The following DGKK variants were observed in gnomAD, a reference collection of about 807,000 sequenced individuals.
The protein encoded by DGKK is diacylglycerol kinase kappa, also known as 142 kDa diacylglycerol kinase.
A neutral mutation model predicts 92.2 loss-of-function variants in DGKK; 35 were observed. The ratio of observed to expected loss-of-function variants is 0.38; its 90% CI spans 0.29 to 0.50. The LOEUF (loss-of-function observed/expected upper bound fraction) is 0.50, where lower values mean the gene tolerates loss of function less well. Ranked by LOEUF, DGKK falls within the 20% of genes least tolerant of loss-of-function variation. The probability of loss-of-function intolerance (pLI) is 0.92; values close to 1 mark genes in which losing one functional copy is unlikely to be tolerated. For missense variants in DGKK, 910 were observed against 992.2 expected, an observed-to-expected ratio of 0.92 and a Z score of 1.11; for synonymous variants, 368 against 360.6, an observed-to-expected ratio of 1.02 and a Z score of -0.23.
At chrX:50,431,570 T>C (rs1925889042) in intron 1 of DGKK, among the ~76,000 whole-genome samples, 1 of 111,507 alleles carries the variant, frequency 9.0e-6, no homozygotes, top group Non-Finnish European at 1.9e-5. Context: ...AGAACTGAAT[T>C]ATTACGGGCA....
At chrX:50,389,941 T>A (rs781940017) in intron 12 of DGKK, among the ~76,000 whole-genome samples, 27 of 111,590 alleles carry the variant, frequency 2.4e-4, no homozygotes, top group Non-Finnish European at 4.5e-4. Flanking sequence ...CTGAGATAGA[T>A]CTTCCTGCTA....
chrX:50,448,105 G>A (rs781864660), intron 1 of DGKK, among the ~76,000 whole-genome samples: 4 of 111,195 alleles, frequency 3.6e-5, no homozygotes, highest in East Asian at 2.9e-4. Context: ...TCTAAACATC[G>A]AAAGAGAAAT....
intron 27 of DGKK, 136 bp from the exon 28 acceptor site, chrX:50,369,155 AATC>A: frequency 2.3e-6 from 1 of 426,909 alleles, no homozygotes; most frequent in Non-Finnish European, 3.9e-6. Context: ...ACCATCTCTG[AATC>A]ATCAGGGAAA....
chrX:50,435,676 A>G (rs1557230693), intron 1 of DGKK, among the ~76,000 whole-genome samples: 1 of 110,601 alleles, frequency 9.0e-6, no homozygotes, highest in Non-Finnish European at 1.9e-5. Context: ...TCACTAATTC[A>G]TTAGGAGTTG....
rs1202296790 is a variant in DGKK, at chrX:50,420,389, A to T, written c.942+14T>A. ...CTATTAAGAATTGTGTGGCTTCTCT[A>T]CTAGTTTTCTTACCTTATAAATTTC... is the stretch of plus-strand genomic sequence containing the variant. On this transcript the variant is annotated intron_variant, in intron 4 of 27. Transcript: ENST00000611977. 8.4e-7 allele frequency: 1 copy of T among 1,185,916 alleles called. No individual in the cohort carries two copies. The highest frequency in any genetic ancestry group is 1.1e-6 in the Non-Finnish European group (1 of 874,776).
chrX:50,425,349 CTT>C (rs79164644), intron 1 of DGKK, among the ~76,000 whole-genome samples: 240 of 109,617 alleles, frequency 2.2e-3, no homozygotes, highest in African/African-American at 7.5e-3. Context: ...TTTCCTGTTT[CTT>C]TTTTTTTAAA....
chrX:50,465,560 G>A (rs1173527221), intron 1 of DGKK, among the ~76,000 whole-genome samples: 1 of 109,585 alleles, frequency 9.1e-6, no homozygotes, highest in Non-Finnish European at 1.9e-5. Context: ...AAACACACAC[G>A]CACCAACAAA....
Position 50,368,906 on chromosome X carries a change from T to G in DGKK, c.*34A>C, listed in dbSNP as rs371977906. 8.6e-7 allele frequency: 1 copy of G among 1,159,354 alleles called. No homozygotes were observed. The highest frequency in any genetic ancestry group is 1.2e-6 in the Non-Finnish European group (1 of 854,109). ...GTTTTGAGAGTTTTTTTAGTAGAATTCTCAATGTTGTGAGTTCTTCCAGCT... is the reference window on the plus strand; with the variant it reads ...GTTTTGAGAGTTTTTTTAGTAGAATGCTCAATGTTGTGAGTTCTTCCAGCT... On this transcript the variant is annotated 3_prime_UTR_variant, in exon 28 of 28. Coordinates refer to ENST00000611977, the MANE Select transcript of DGKK (RefSeq NM_001013742.4).
intron 4 of DGKK, among the ~76,000 whole-genome samples, chrX:50,417,227 G>A (rs12011745): frequency 0.037 from 4,033 of 109,447 alleles, 184 homozygotes; most frequent in African/African-American, 0.13. Flanking sequence ...GCCAGCTGAT[G>A]TCATTCCTGC....
At chrX:50,434,162 C>T (rs1925960157) in intron 1 of DGKK, among the ~76,000 whole-genome samples, 1 of 110,463 alleles carries the variant, frequency 9.1e-6, no homozygotes, top group African/African-American at 3.3e-5. Flanking sequence ...AGAGCTGTGG[C>T]TCCTGTTGTG....
At position 50,392,330 on chromosome X, in the gene DGKK, C is replaced by T. The variant is rs200409998; in HGVS notation, c.1704+11G>A. ...CTAGCAATGGCTAAACTGAGTCATC[C>T]AGGGACTTACCTTTTCATGTAATCC... On this transcript the variant is annotated intron_variant, in intron 10 of 27. Transcript: ENST00000611977. The T allele has an allele frequency of 1.7e-6, 2 of 1,184,996 alleles. No individual in the cohort carries two copies. The highest frequency in any genetic ancestry group is 5.9e-5 in the East Asian group (2 of 33,684).
At chrX:50,401,479 A>C (rs1265627133) in intron 7 of DGKK, among the ~76,000 whole-genome samples, 1 of 111,445 alleles carries the variant, frequency 9.0e-6, no homozygotes, top group Non-Finnish European at 1.9e-5. Flanking sequence ...TAATAATAAT[A>C]ATCTAATATT....
rs782685133 is a variant in DGKK at position 50,460,313 on chromosome X, GTAAA to G, written c.645+9717_645+9720del. On this transcript the variant is annotated intron_variant, in intron 1 of 27. Coordinates refer to ENST00000611977, the MANE Select transcript of DGKK (RefSeq NM_001013742.4). ...GTAGAGACATTTGCTGCAGGAGAAG[GTAAA>G]TGAATGAACATCCAGGATTTAGTCC... Among the ~76,000 whole-genome samples the G allele has an allele frequency of 1.3e-3, 143 of 112,051 alleles. 1 individual carries two copies. Among genetic ancestry groups the G allele is most frequent in the Admixed American group, 2.9e-3 (31 of 10,613 alleles).
chrX:50,468,131 T>G (rs1557234147), intron 1 of DGKK, among the ~76,000 whole-genome samples: 1 of 112,089 alleles, frequency 8.9e-6, no homozygotes, highest in Non-Finnish European at 1.9e-5. Context: ...TACCTTAATC[T>G]TCCTCATCTG....
rs189560134 is a variant in DGKK, at chrX:50,409,574, C to T, written c.943-5390G>A. ...AAAACTGTGGCATGTACACAAACCA[C>T]GGATCTCTAAATGCTAAAGAAAGTA... On this transcript the variant is annotated intron_variant, in intron 4 of 27. Coordinates refer to ENST00000611977, the MANE Select transcript of DGKK (RefSeq NM_001013742.4). Among the ~76,000 whole-genome samples the T allele has an allele frequency of 1.3e-4, 15 of 112,051 alleles. No individual in the cohort carries two copies. In the East Asian group the frequency reaches 3.1e-3, roughly 23 times the overall value.
At chrX:50,420,938 T>C (rs1405160175) in intron 3 of DGKK, among the ~76,000 whole-genome samples, 3 of 111,812 alleles carry the variant, frequency 2.7e-5, no homozygotes, top group Non-Finnish European at 3.8e-5. Flanking sequence ...GAATTCATTC[T>C]TTTAAATACT....
rs1373989031 is a variant in DGKK, at chrX:50,463,827, A to G, written c.645+6207T>C. ...TAAATGTATTTGCTTGTTTTGAGAA[A>G]AAAAGGGGCTTTGTTGAGGCTGAGA... On this transcript the variant is annotated intron_variant, in intron 1 of 27. Coordinates refer to ENST00000611977, the MANE Select transcript of DGKK (RefSeq NM_001013742.4). Among the ~76,000 whole-genome samples, 26 of 110,734 alleles carry G rather than the reference A, an allele frequency of 2.3e-4. No individual in the cohort carries two copies. The Admixed American group carries it at 2.5e-3, about 11-fold the overall frequency.
At chrX:50,464,973 C>G (rs1408570833) in intron 1 of DGKK, among the ~76,000 whole-genome samples, 2 of 111,377 alleles carry the variant, frequency 1.8e-5, no homozygotes, top group South Asian at 3.8e-4. Context: ...CTTTCCATCT[C>G]TAAGGATTTG....
At chrX:50,399,260 G>A (rs782176583) in intron 8 of DGKK, among the ~76,000 whole-genome samples, 1 of 99,039 alleles carries the variant, frequency 1.0e-5, no homozygotes, top group East Asian at 3.2e-4. Flanking sequence ...GTGTGTGTGT[G>A]TACGCGTGCA....
Sources: gnomAD v4.1 joint callset for allele counts (sites outside exome capture counted in the v4.1 genomes callset) on GRCh38, gnomAD v4.1.1 for gene constraint, MANE v1.5 for transcripts, NCBI Gene and HGNC (gene_info 2026-07-23, HGNC 2026-07-21) for gene names.